The following PIK3C2A variants were observed in gnomAD, a reference collection of about 807,000 sequenced individuals.
PIK3C2A encodes the protein phosphatidylinositol-4-phosphate 3-kinase catalytic subunit type 2 alpha.
In PIK3C2A, 97 loss-of-function variants were observed where a neutral mutation model predicts 204.5. The ratio of observed to expected loss-of-function variants is 0.47; its 90% confidence interval spans 0.40 to 0.56. The LOEUF (loss-of-function observed/expected upper bound fraction) is 0.56. PIK3C2A is among the 20% of genes least tolerant of loss of function. The pLI is 0.00. For missense variants in PIK3C2A, 1,735 were observed against 1,969.2 expected (o/e 0.88, Z 2.25); for synonymous variants, 653 against 664.4 (o/e 0.98, Z 0.26).
chr11:17,142,573 G>A (rs763144212), intron 8 of PIK3C2A, among the ~76,000 whole-genome samples: 4 of 152,180 alleles, frequency 2.6e-5, no homozygotes, highest in Admixed American at 6.5e-5. Flanking sequence ...TTAACACTTT[G>A]GGAGGCCGAA....
At chr11:17,155,075 AT>A (rs1192413402) in intron 3 of PIK3C2A, among the ~76,000 whole-genome samples, 1 of 152,224 alleles carries the variant, frequency 6.6e-6, no homozygotes, top group Non-Finnish European at 1.5e-5. Context: ...CACATTTAAG[AT>A]TGAGAGAACA....
chr11:17,198,187 C>T (rs1368742722), intron 1 of PIK3C2A, among the ~76,000 whole-genome samples: 3 of 150,806 alleles, frequency 2.0e-5, no homozygotes, highest in Non-Finnish European at 4.4e-5. Context: ...CCGCTCATTG[C>T]AACCTCCACC....
chr11:17,150,658 G>A lies in PIK3C2A; in HGVS notation c.1170-3C>T. 1 of 1,573,420 alleles carries A rather than the reference G, an allele frequency of 6.4e-7. No homozygotes were observed. The highest frequency in any genetic ancestry group is 8.6e-7 in the Non-Finnish European group (1 of 1,164,208). On this transcript the variant is annotated splice_polypyrimidine_tract_variant and splice_region_variant and intron_variant, in intron 3 of 32. Transcript: ENST00000691414. ...TATATGGAAATTTGGTCTTCAATCT[G>A]TTCACAAGAAAGAAGAAATTAAATT...
At chr11:17,138,918 T>A (rs1241245104) in intron 8 of PIK3C2A, among the ~76,000 whole-genome samples, 1 of 152,220 alleles carries the variant, frequency 6.6e-6, no homozygotes, top group Non-Finnish European at 1.5e-5. Context: ...AATGATTTTT[T>A]TTTTTTGAGA....
chr11:17,131,984 A>G lies in PIK3C2A; in HGVS notation c.2163T>C (p.Phe721=). The change falls in exon 12 of 33, where the codon TTT becomes TTC. Residue 721 remains phenylalanine, a synonymous_variant. Transcript: ENST00000691414. ...CAACCTTCTTTGATTGAATAGGTTT[A>G]AAAAGATCCTTTCCATTGTGAGACA... The part of the protein sequence containing the change: ...CSLSHNGKDL[F]KPIQSKKVGT... 1 of 1,574,518 alleles carries G rather than the reference A, an allele frequency of 6.4e-7. No homozygotes were observed. Among genetic ancestry groups the G allele is most frequent in the Non-Finnish European group, 8.7e-7 (1 of 1,148,936 alleles).
chr11:17,110,610 A>C, intron 21 of PIK3C2A, 49 bp from the exon 22 acceptor site: 1 of 1,549,906 alleles, frequency 6.5e-7, no homozygotes, highest in Non-Finnish European at 8.8e-7. Flanking sequence ...CAAAAGACTT[A>C]ACAGATTACA....
At chr11:17,110,655 G>T in intron 21 of PIK3C2A, 94 bp from the exon 22 acceptor site, 1 of 1,079,082 alleles carries the variant, frequency 9.3e-7, no homozygotes. Context: ...ACTTTGGGAG[G>T]CCAAAGTGGG....
intron 13 of PIK3C2A, among the ~76,000 whole-genome samples, chr11:17,124,799 C>CT (rs1849471934): frequency 6.6e-6 from 1 of 152,142 alleles, no homozygotes; most frequent in Admixed American, 6.5e-5. Flanking sequence ...GTCTCCTTCT[C>CT]TTTTTTTCTA....
chr11:17,188,103 C>T (rs1468965744), intron 1 of PIK3C2A, among the ~76,000 whole-genome samples: 8 of 151,988 alleles, frequency 5.3e-5, no homozygotes, highest in African/African-American at 1.9e-4. Flanking sequence ...TTTGGGAGGC[C>T]GAGGTGGGTG....
chr11:17,112,432 G>T (rs974911719), intron 21 of PIK3C2A, 142 bp downstream of exon 21: 2 of 351,338 alleles, frequency 5.7e-6, no homozygotes. Context: ...CAGCCTGAGC[G>T]TCAGAACAAG....
chr11:17,140,550 G>GT (rs777026886), intron 8 of PIK3C2A, among the ~76,000 whole-genome samples: 1 of 152,168 alleles, frequency 6.6e-6, no homozygotes, highest in Non-Finnish European at 1.5e-5. Flanking sequence ...GAAACCAGAT[G>GT]TAAAAAACTA....
chr11:17,128,984 C>T (rs1283548080), intron 13 of PIK3C2A, among the ~76,000 whole-genome samples: 3 of 152,160 alleles, frequency 2.0e-5, no homozygotes, highest in Non-Finnish European at 4.4e-5. Context: ...ATCAAGGGAA[C>T]TTACAAGACT....
intron 25 of PIK3C2A, among the ~76,000 whole-genome samples, chr11:17,100,186 C>T (rs1848577200): frequency 7.4e-6 from 1 of 135,944 alleles, no homozygotes; most frequent in Non-Finnish European, 1.5e-5. Flanking sequence ...GTCAAAAACC[C>T]AGTTTATAGA....
intron 2 of PIK3C2A, among the ~76,000 whole-genome samples, chr11:17,166,459 C>A (rs553759641): frequency 1.3e-5 from 2 of 152,264 alleles, no homozygotes; most frequent in South Asian, 4.1e-4. Flanking sequence ...GTAATATCAG[C>A]TTAGCTGGGA....
At chr11:17,197,295 C>T (rs757089985) in intron 1 of PIK3C2A, among the ~76,000 whole-genome samples, 1 of 152,136 alleles carries the variant, frequency 6.6e-6, no homozygotes, top group East Asian at 1.9e-4. Flanking sequence ...GCTGGGACTA[C>T]AGGCATGAGC....
intron 26 of PIK3C2A, among the ~76,000 whole-genome samples, chr11:17,098,975 A>C (rs986186173): frequency 2.0e-5 from 3 of 152,192 alleles, no homozygotes. Flanking sequence ...GGCTCATCAC[A>C]ACCTCCATCT....
intron 8 of PIK3C2A, chr11:17,141,188 T>C (rs901805265): frequency 5.3e-5 from 8 of 152,200 alleles, no homozygotes; most frequent in African/African-American, 1.9e-4. Flanking sequence ...CTAACACTTT[T>C]TAAAGGATTT....
At chr11:17,141,066 G>A (rs146821019) in intron 8 of PIK3C2A, among the ~76,000 whole-genome samples, 36 of 152,290 alleles carry the variant, frequency 2.4e-4, no homozygotes, top group South Asian at 1.0e-3. Flanking sequence ...TAAGAAGCCA[G>A]ATCAGAGAGG....
At chr11:17,205,174 C>T (rs1852523424) in intron 1 of PIK3C2A, among the ~76,000 whole-genome samples, 1 of 147,652 alleles carries the variant, frequency 6.8e-6, no homozygotes, top group African/African-American at 2.5e-5. Flanking sequence ...GAGACTGTCT[C>T]AAAAAAGAAA....
Sources: gnomAD v4.1 joint callset for allele counts (sites outside exome capture counted in the v4.1 genomes callset) on GRCh38, gnomAD v4.1.1 for gene constraint, MANE v1.5 for transcripts, NCBI Gene and HGNC (gene_info 2026-07-23, HGNC 2026-07-21) for gene names.